ENTREP2: variants seen among roughly 807,000 people sequenced by gnomAD.
The protein encoded by ENTREP2 is endosomal transmembrane epsin interactor 2.
At chr15:29,332,788 T>C in the ENTREP2 span, among the ~76,000 whole-genome samples, 1 of 151,884 alleles carries the variant, frequency 6.6e-6, no homozygotes, top group African/African-American at 2.4e-5. Context: ...GGAGAAAACC[T>C]GTCTCTAGTA....
At chr15:29,380,942 C>T in the ENTREP2 span, among the ~76,000 whole-genome samples, 1 of 150,844 alleles carries the variant, frequency 6.6e-6, no homozygotes, top group Non-Finnish European at 1.5e-5. Context: ...ACCTCTACCT[C>T]CCGGGTTCAA....
chr15:29,377,263 G>C, the ENTREP2 span, among the ~76,000 whole-genome samples: 2 of 152,136 alleles, frequency 1.3e-5, no homozygotes, highest in Non-Finnish European at 2.9e-5. Flanking sequence ...CCTTGCATAA[G>C]GTCTCACACG....
At chr15:29,579,837 A>C in the ENTREP2 span, among the ~76,000 whole-genome samples, 3 of 151,282 alleles carry the variant, frequency 2.0e-5, no homozygotes, top group Non-Finnish European at 2.9e-5. Flanking sequence ...CAGCCTCCCG[A>C]GTAGCTGGGC....
the ENTREP2 span, among the ~76,000 whole-genome samples, chr15:29,659,577 C>T: frequency 6.6e-6 from 1 of 152,146 alleles, no homozygotes; most frequent in African/African-American, 2.4e-5. Context: ...AATGCATTTT[C>T]CCAAAATATT....
the ENTREP2 span, among the ~76,000 whole-genome samples, chr15:29,550,178 C>A: frequency 6.6e-6 from 1 of 152,096 alleles, no homozygotes; most frequent in African/African-American, 2.4e-5. Flanking sequence ...CTAAAAGGCA[C>A]AAGGTTCTTT....
chr15:29,148,699 T>C, the ENTREP2 span, among the ~76,000 whole-genome samples: 26 of 152,304 alleles, frequency 1.7e-4, no homozygotes, highest in African/African-American at 6.3e-4. Context: ...TTTTTCTGCC[T>C]GAGTAAAGCC....
At chr15:29,228,375 A>G in the ENTREP2 span, among the ~76,000 whole-genome samples, 1 of 152,180 alleles carries the variant, frequency 6.6e-6, no homozygotes, top group Non-Finnish European at 1.5e-5. Flanking sequence ...TTCCACTTAC[A>G]TGAGTGACCT....
At chr15:29,534,388 C>T in the ENTREP2 span, among the ~76,000 whole-genome samples, 2 of 152,108 alleles carry the variant, frequency 1.3e-5, no homozygotes, top group Admixed American at 1.3e-4. Flanking sequence ...GGATATTATA[C>T]TGTTTTGTAC....
At chr15:29,574,129 C>T in the ENTREP2 span, among the ~76,000 whole-genome samples, 1 of 152,154 alleles carries the variant, frequency 6.6e-6, no homozygotes, top group Non-Finnish European at 1.5e-5. Context: ...AACTCATTGA[C>T]TCTCTTTGAT....
At chr15:29,164,921 T>C in the ENTREP2 span, among the ~76,000 whole-genome samples, 2 of 152,286 alleles carry the variant, frequency 1.3e-5, no homozygotes, top group African/African-American at 4.8e-5. Flanking sequence ...ATAGACTATA[T>C]GATAGGCCAT....
the ENTREP2 span, among the ~76,000 whole-genome samples, chr15:29,346,143 G>A: frequency 2.0e-5 from 3 of 152,198 alleles, no homozygotes; most frequent in African/African-American, 4.8e-5. Flanking sequence ...GCCAAGAAGA[G>A]AACCTGGAGG....
chr15:29,570,781 C>CGCT, the ENTREP2 span: 2 of 790,898 alleles, frequency 2.5e-6, no homozygotes, highest in Non-Finnish European at 3.0e-6. Context: ...GCGCCGCCGC[C>CGCT]TCTCCTCACA....
At chr15:29,230,749 C>T in the ENTREP2 span, among the ~76,000 whole-genome samples, 2 of 151,958 alleles carry the variant, frequency 1.3e-5, no homozygotes, top group African/African-American at 4.8e-5. Context: ...GCCTATTTGG[C>T]AAGAGCTTAG....
At chr15:29,292,479 C>G in the ENTREP2 span, among the ~76,000 whole-genome samples, 1 of 152,056 alleles carries the variant, frequency 6.6e-6, no homozygotes, top group Non-Finnish European at 1.5e-5. Context: ...CTCCTGGGTT[C>G]AGGCAATTCT....
At chr15:29,453,533 C>T in the ENTREP2 span, among the ~76,000 whole-genome samples, 1 of 152,206 alleles carries the variant, frequency 6.6e-6, no homozygotes, top group African/African-American at 2.4e-5. Flanking sequence ...CATAGACACC[C>T]CCACCGGCCA....
chr15:29,398,223 G>T, the ENTREP2 span, among the ~76,000 whole-genome samples: 2 of 150,268 alleles, frequency 1.3e-5, no homozygotes, highest in African/African-American at 4.9e-5. Flanking sequence ...GCATTAAAAT[G>T]ATAATTTTAC....
At chr15:29,396,292 G>A in the ENTREP2 span, among the ~76,000 whole-genome samples, 7 of 149,622 alleles carry the variant, frequency 4.7e-5, no homozygotes, top group Admixed American at 1.3e-4. Context: ...GGGCAACTAC[G>A]CTTCTCCTCT....
chr15:29,657,224 T>C, the ENTREP2 span, among the ~76,000 whole-genome samples: 4 of 151,634 alleles, frequency 2.6e-5, no homozygotes, highest in East Asian at 1.9e-4. Context: ...GCTTTTTTTT[T>C]TTCTTTTTGC....
At chr15:29,503,278 G>A in the ENTREP2 span, among the ~76,000 whole-genome samples, 2 of 152,262 alleles carry the variant, frequency 1.3e-5, no homozygotes, top group South Asian at 4.1e-4. Flanking sequence ...AAGTGCTATT[G>A]CATGCTATAA....
Sources: gnomAD v4.1 joint callset for allele counts (sites outside exome capture counted in the v4.1 genomes callset) on GRCh38, gnomAD v4.1.1 for gene constraint, MANE v1.5 for transcripts, NCBI Gene and HGNC (gene_info 2026-07-23, HGNC 2026-07-21) for gene names.